The following ATP2A1 variants were observed in gnomAD, a reference collection of about 807,000 sequenced individuals.
ATP2A1 encodes sarcoplasmic/endoplasmic reticulum calcium ATPase 1.
A neutral mutation model predicts 109.5 loss-of-function variants in ATP2A1; 83 were observed. The ratio of observed to expected loss-of-function variants is 0.76; its 90% CI spans 0.63 to 0.91. ATP2A1 has a LOEUF of 0.91. Ranked by LOEUF, ATP2A1 falls within the 40% of genes least tolerant of loss-of-function variation. The pLI is 0.00. For synonymous variants in ATP2A1, 505 were observed against 537.6 expected (o/e 0.94, Z 0.84); for missense variants, 1,101 against 1,341.0 (o/e 0.82, Z 2.80).
rs901230629 is a variant in ATP2A1 at position 28,883,120 on chromosome 16, G to A, written c.463+531G>A. On this transcript the variant is annotated intron_variant, in intron 5 of 22. Coordinates refer to ENST00000395503, the MANE Select transcript of ATP2A1 (RefSeq NM_004320.6). The surrounding 1 kb of genome is among the most constrained non-coding windows in gnomAD (Gnocchi z 5.2). ...AGGGAGCTCAAGGAGGGCCCCGCCC[G>A]CGGCAAGGGACACTTAATGCCTGGC... 2.0e-4 allele frequency among the ~76,000 whole-genome samples: 31 copies of A among 152,362 alleles called. No homozygotes were observed. The highest frequency in any genetic ancestry group is 6.5e-4 in the African/African-American group (27 of 41,592).
rs1011154925 is a variant in ATP2A1 at position 28,883,200 on chromosome 16, C to T, written c.463+611C>T. On this transcript the variant is annotated intron_variant, in intron 5 of 22. Coordinates refer to ENST00000395503, the MANE Select transcript of ATP2A1 (RefSeq NM_004320.6). This position sits in a 1 kb window ranked among gnomAD's most constrained non-coding sequence, Gnocchi z 5.2. The stretch of plus-strand genomic sequence containing the variant: ...ATTACTGGGATTCTGCCCCCTTCAG[C>T]GGTTTTTATGTTTGCCCTGAGCAGG... 4.6e-5 allele frequency among the ~76,000 whole-genome samples: 7 copies of T among 152,198 alleles called. No homozygotes were observed. Among genetic ancestry groups the T allele is most frequent in the African/African-American group, 1.4e-4 (6 of 41,456 alleles).
rs563737684 is a variant in ATP2A1, at chr16:28,880,078, A to G, written c.219+495A>G. 2.7e-5 allele frequency: 27 copies of G among 999,108 alleles called. No homozygotes were observed. The highest frequency in any genetic ancestry group is 6.1e-5 in the Admixed American group (1 of 16,470). The allele number at this position is 999,108 out of a possible 1,614,324, so 61.9% of individuals were successfully genotyped here. ...AGCGCGGCGGTGTGATGATGACTCCAAGGAGCCCGGCGCCCGGTCAGGGAG... is the reference window on the plus strand; with the variant it reads ...AGCGCGGCGGTGTGATGATGACTCCGAGGAGCCCGGCGCCCGGTCAGGGAG... On this transcript the variant is annotated intron_variant, in intron 3 of 22. Coordinates refer to ENST00000395503, the MANE Select transcript of ATP2A1 (RefSeq NM_004320.6). This position sits in a 1 kb window ranked among gnomAD's most constrained non-coding sequence, Gnocchi z 4.2.
chr16:28,883,892 G>C lies in ATP2A1; in HGVS notation c.464-683G>C, dbSNP rs1280125345. On this transcript the variant is annotated intron_variant, in intron 5 of 22. Transcript: ENST00000395503. The surrounding 1 kb of genome is among the most constrained non-coding windows in gnomAD (Gnocchi z 5.2). ...CTGAGATGCTCAGACCGGGCTGTCAGGTTCCCGATATGTGGTCCTCTCCAT... is the reference window on the plus strand; with the variant it reads ...CTGAGATGCTCAGACCGGGCTGTCACGTTCCCGATATGTGGTCCTCTCCAT... 2.6e-5 allele frequency among the ~76,000 whole-genome samples: 4 copies of C among 152,072 alleles called. No homozygotes were observed. The highest frequency in any genetic ancestry group is 9.7e-5 in the African/African-American group (4 of 41,406).
intron 14 of ATP2A1, 97 bp from the exon 15 acceptor site, chr16:28,900,484 C>G: frequency 3.3e-5 from 19 of 576,850 alleles, no homozygotes; most frequent in East Asian, 9.5e-5. Flanking sequence ...CCCACCACTT[C>G]CTGACCTTTC....
Position 28,898,409 on chromosome 16 carries a change from G to C in ATP2A1, c.1722G>C (p.Glu574Asp), listed in dbSNP as rs145043756. 1.9e-6 allele frequency: 3 copies of C among 1,614,078 alleles called. No homozygotes were observed. ...LATRDTPPKR[E>D]EMVLDDSARF... Reference sequence around the variant, plus strand: ...CCCGGGACACCCCCCCGAAGCGAGAGGAAATGGTCCTGGATGACTCTGCCA... The same window carrying C: ...CCCGGGACACCCCCCCGAAGCGAGACGAAATGGTCCTGGATGACTCTGCCA... Residue 574 changes from glutamate (E) to aspartate (D), a missense_variant, in exon 14 of 23, where the codon GAG becomes GAC. By Grantham distance (45) the Glu-to-Asp change is conservative. Transcript: ENST00000395503. This position sits in a 1 kb window ranked among gnomAD's most constrained non-coding sequence, Gnocchi z 4.0.
In ATP2A1 at chr16:28,887,448, G is replaced by A. The variant is rs1019502512; in HGVS notation, c.654G>A (p.Lys218=). The A allele has an allele frequency of 1.2e-6, 2 of 1,614,066 alleles. No individual in the cohort carries two copies. Among genetic ancestry groups the A allele is most frequent in the Non-Finnish European group, 8.5e-7 (1 of 1,180,018 alleles). ...AGGGCACCAACATTGCAGCCGGCAA[G>A]GCCTTGGGCATCGTGGCCACCACTG... ...LFSGTNIAAG[K]ALGIVATTGV... The change falls in exon 8 of 23, where the codon AAG becomes AAA. Residue 218 remains lysine, a synonymous_variant. Transcript: ENST00000395503.
In ATP2A1 at chr16:28,887,455, G is replaced by T. The variant is rs966052312; in HGVS notation, c.661G>T (p.Gly221Cys). Residue 221 changes from glycine to cysteine, a missense_variant, in exon 8 of 23, where the codon GGC becomes TGC. Transcript: ENST00000395503. ...CAACATTGCAGCCGGCAAGGCCTTG[G>T]GCATCGTGGCCACCACTGGTGTGGG... Reference protein sequence around the residue: ...GTNIAAGKALGIVATTGVGTE... With the variant: ...GTNIAAGKALCIVATTGVGTE... 1.2e-6 allele frequency: 2 copies of T among 1,613,916 alleles called. No individual in the cohort carries two copies. Among genetic ancestry groups the T allele is most frequent in the Non-Finnish European group, 1.7e-6 (2 of 1,179,992 alleles).
chr16:28,900,294 G>C (rs1567490207), intron 14 of ATP2A1, among the ~76,000 whole-genome samples: 1 of 150,822 alleles, frequency 6.6e-6, no homozygotes, highest in East Asian at 1.9e-4. Context: ...GGGTGACAGA[G>C]CAATACCCTG....
intron 15 of ATP2A1, 119 bp downstream of exon 15, chr16:28,901,035 C>G: frequency 7.5e-7 from 1 of 1,342,214 alleles, no homozygotes; most frequent in Admixed American, 1.9e-5. Context: ...GGTGGGGATT[C>G]AGACCCCAAG....
intron 9 of ATP2A1, among the ~76,000 whole-genome samples, chr16:28,890,581 G>A (rs952001697): frequency 2.0e-5 from 3 of 152,108 alleles, no homozygotes; most frequent in South Asian, 2.1e-4. Context: ...CTTGAGCCCA[G>A]GAGTTTTAGA....
rs182803573 is a variant in ATP2A1, at chr16:28,902,558, G to A, written c.2525-22G>A. On this transcript the variant is annotated intron_variant, in intron 17 of 22. Coordinates refer to ENST00000395503, the MANE Select transcript of ATP2A1 (RefSeq NM_004320.6). The surrounding 1 kb of genome is among the most constrained non-coding windows in gnomAD (Gnocchi z 4.8). ...CCCTATCTCCCCAGCCCTGACCCCC[G>A]ACTCCCCTCTCTCCACCACAGGCTA... 4.2e-5 allele frequency: 68 copies of A among 1,612,262 alleles called. No individual in the cohort carries two copies. The African/African-American group carries it at 6.9e-4, about 16-fold the overall frequency.
intron 2 of ATP2A1, 41 bp downstream of exon 2, chr16:28,879,157 C>A (rs1197207188): frequency 6.2e-7 from 1 of 1,610,006 alleles, no homozygotes; most frequent in South Asian, 1.1e-5. Flanking sequence ...AATGACCACC[C>A]CCCACCCCGC....
chr16:28,894,982 C>G (rs373875947), intron 12 of ATP2A1, 29 bp downstream of exon 12: 1 of 1,608,472 alleles, frequency 6.2e-7, no homozygotes, highest in Non-Finnish European at 8.5e-7. Flanking sequence ...TGCCACAGGG[C>G]CGTCTCCACT....
intron 9 of ATP2A1, chr16:28,892,342 C>T (rs1963794168): frequency 2.5e-6 from 1 of 401,062 alleles, no homozygotes. Context: ...AGGCCAAGAA[C>T]CCCTGCCCTT....
At chr16:28,879,262 T>G (rs1963378239) in intron 2 of ATP2A1, 146 bp downstream of exon 2, 1 of 1,128,688 alleles carries the variant, frequency 8.9e-7, no homozygotes, top group African/African-American at 1.5e-5. Context: ...TAGAGTCCTG[T>G]CCGGGGCAGA....
chr16:28,901,854 C>T lies in ATP2A1; in HGVS notation c.2101-9C>T, dbSNP rs765235338. 1.2e-5 allele frequency: 19 copies of T among 1,612,488 alleles called. No homozygotes were observed. Among genetic ancestry groups the T allele is most frequent in the Non-Finnish European group, 1.6e-5 (19 of 1,179,040 alleles). ...GGTGCCCTAAGCCCACCTTCTCCTCCTCCCTCAGACAGGTGATGGCGTCAA... is the reference window on the plus strand; with the variant it reads ...GGTGCCCTAAGCCCACCTTCTCCTCTTCCCTCAGACAGGTGATGGCGTCAA... On this transcript the variant is annotated splice_polypyrimidine_tract_variant and intron_variant, in intron 15 of 22. Transcript: ENST00000395503.
chr16:28,904,032 G>T, intron 22 of ATP2A1, 148 bp from the exon 23 acceptor site: 1 of 794,736 alleles, frequency 1.3e-6, no homozygotes, highest in Non-Finnish European at 2.2e-6. Context: ...GGGGGGCGGG[G>T]TGTCTGGGGA....
chr16:28,900,689 A>G lies in ATP2A1; in HGVS notation c.1873A>G (p.Thr625Ala), dbSNP rs1291793205. The G allele has an allele frequency of 6.2e-7, 1 of 1,613,878 alleles. No homozygotes were observed. The highest frequency in any genetic ancestry group is 1.1e-5 in the South Asian group (1 of 91,064). Residue 625 changes from threonine to alanine, a missense_variant, in exon 15 of 23, where the codon ACT (threonine) becomes GCT (alanine). Physicochemically the swap from Thr to Ala is moderately conservative, Grantham distance 58. Coordinates refer to ENST00000395503, the MANE Select transcript of ATP2A1 (RefSeq NM_004320.6). ...CGCCGGGATCCGGGTGATCATGATCACTGGGGACAACAAGGGCACAGCCAT... is the reference window on the plus strand; with the variant it reads ...CGCCGGGATCCGGGTGATCATGATCGCTGGGGACAACAAGGGCACAGCCAT... ...RDAGIRVIMI[T>A]GDNKGTAIAI...
At position 28,902,830 on chromosome 16, in the gene ATP2A1, GTGAGGTCT is replaced by G; in HGVS notation, c.2665_2672del (p.Glu889ArgfsTer60). 6.2e-7 allele frequency: 1 copy of G among 1,613,922 alleles called. No homozygotes were observed. Among genetic ancestry groups the G allele is most frequent in the South Asian group, 1.1e-5 (1 of 91,066 alleles). On this transcript the variant is annotated frameshift_variant, in exon 19 of 23. Coordinates refer to ENST00000395503, the MANE Select transcript of ATP2A1 (RefSeq NM_004320.6). LOFTEE classifies it high-confidence loss of function. The surrounding 1 kb of genome is among the most constrained non-coding windows in gnomAD (Gnocchi z 4.8). ...AACACCCACTTTGAGGGCATAGACTGTGAGGTCTTCGAGGCCCCCGAGCCCATGACCAT... is the reference window on the plus strand; with the variant it reads ...AACACCCACTTTGAGGGCATAGACTGTCGAGGCCCCCGAGCCCATGACCAT...
Sources: allele counts gnomAD v4.1 joint callset (sites outside exome capture counted in the v4.1 genomes callset), GRCh38; gene constraint gnomAD v4.1.1; non-coding constraint Gnocchi (gnomAD v3.1); transcripts MANE v1.5; gene names NCBI Gene and HGNC (gene_info 2026-07-23, HGNC 2026-07-21).